TTLL5: variants seen among roughly 807,000 people sequenced by gnomAD.
TTLL5 encodes the protein tubulin tyrosine ligase like 5.
A neutral mutation model predicts 168.4 loss-of-function variants in TTLL5; 132 were observed. The observed-to-expected ratio is 0.78, with a 90% CI of 0.68 to 0.91. TTLL5 has a LOEUF of 0.91. Ranked by LOEUF, TTLL5 falls within the 40% of genes least tolerant of loss-of-function variation. The pLI is 0.00. For missense variants in TTLL5, 1,545 were observed against 1,581.5 expected (o/e 0.98, Z 0.39); for synonymous variants, 546 against 558.6 (o/e 0.98, Z 0.32).
At chr14:75,844,273 C>T (rs569939329) in intron 28 of TTLL5, among the ~76,000 whole-genome samples, 2 of 152,274 alleles carry the variant, frequency 1.3e-5, no homozygotes, top group African/African-American at 4.8e-5. Context: ...TATGTATGTT[C>T]AATTGCTCCA....
At chr14:75,843,434 T>C (rs1896360812) in intron 28 of TTLL5, among the ~76,000 whole-genome samples, 1 of 152,212 alleles carries the variant, frequency 6.6e-6, no homozygotes, top group African/African-American at 2.4e-5. Flanking sequence ...TAAATGAAGT[T>C]CCTGGTTCAG....
chr14:75,752,670 C>T (rs946578958), intron 17 of TTLL5, among the ~76,000 whole-genome samples: 1 of 151,936 alleles, frequency 6.6e-6, no homozygotes, highest in African/African-American at 2.4e-5. Flanking sequence ...TACATTAAAT[C>T]CTCTTTTTCC....
At position 75,930,610 on chromosome 14, in the gene TTLL5, A is replaced by G. The variant is rs545755604; in HGVS notation, c.3824-23814A>G. On this transcript the variant is annotated intron_variant, in intron 31 of 31. Coordinates refer to ENST00000298832, the MANE Select transcript of TTLL5 (RefSeq NM_015072.5). ...CTGACGTTTCTTGCAGAGAACAAGA[A>G]ATTCACGGAACAAGTGGATCAGAGG... The G allele has an allele frequency of 3.0e-6, 3 of 985,470 alleles. No individual in the cohort carries two copies. In the African/African-American group the frequency reaches 5.2e-5, roughly 17 times the overall value. 61.0% of individuals were successfully genotyped at this position (985,470 alleles called of 1,614,324 possible). A position where few individuals can be genotyped will look rare whatever the true frequency, so the allele number is the denominator to read the frequency against.
rs1887727426 is a variant in TTLL5, at chr14:75,719,819, T to TA, written c.928dup (p.Thr310AsnfsTer14). On this transcript the variant is annotated frameshift_variant, in exon 11 of 32. Transcript: ENST00000298832. LOFTEE classifies it high-confidence loss of function. ...GGTACCTGAAACAAGAAGGCAGAGA[T>TA]ACAACCGGTGAGTACTGGGCCTTTT... 1.2e-6 allele frequency: 2 copies of TA among 1,613,714 alleles called. No individual in the cohort carries two copies. The highest frequency in any genetic ancestry group is 2.7e-5 in the African/African-American group (2 of 74,918).
intron 28 of TTLL5, chr14:75,839,124 G>A (rs1213180291): frequency 6.5e-6 from 1 of 153,116 alleles, no homozygotes; most frequent in African/African-American, 2.4e-5. Flanking sequence ...GCATGCGGAT[G>A]GTGACACACT....
chr14:75,774,793 A>G (rs2140315744), intron 21 of TTLL5, among the ~76,000 whole-genome samples: 1 of 151,952 alleles, frequency 6.6e-6, no homozygotes, highest in South Asian at 2.1e-4. Flanking sequence ...GGTTCAAGTG[A>G]TTCTCATACC....
Position 75,733,127 on chromosome 14 carries a change from T to G in TTLL5, c.1124+708T>G, listed in dbSNP as rs187728968. Among the ~76,000 whole-genome samples, 857 of 152,370 alleles carry G rather than the reference T, an allele frequency of 5.6e-3. 13 individuals are homozygous for G. The highest frequency in any genetic ancestry group is 0.02 in the African/African-American group (814 of 41,588). On this transcript the variant is annotated intron_variant, in intron 13 of 31. Transcript: ENST00000298832. Reference sequence around the variant, plus strand: ...AGGAATCAAATAAAGACAGATTGACTACTTTTGGAGTGGGAGTTTGGCTTA... The same window carrying G: ...AGGAATCAAATAAAGACAGATTGACGACTTTTGGAGTGGGAGTTTGGCTTA...
intron 27 of TTLL5, among the ~76,000 whole-genome samples, chr14:75,809,758 A>G (rs1466492076): frequency 6.6e-6 from 1 of 151,920 alleles, no homozygotes; most frequent in Non-Finnish European, 1.5e-5. Context: ...CCATCATTCT[A>G]TTCTCTATCT....
chr14:75,793,336 T>C lies in TTLL5; in HGVS notation c.3171+236T>C, dbSNP rs569878491. 3.9e-5 allele frequency among the ~76,000 whole-genome samples: 6 copies of C among 152,296 alleles called. No individual in the cohort carries two copies. The South Asian group carries it at 8.3e-4, about 21-fold the overall frequency. Reference sequence around the variant, plus strand: ...CTGCTACTGGATATGATGTACCTATTTCATGGATAAACAGACTTGAATGTT... The same window carrying C: ...CTGCTACTGGATATGATGTACCTATCTCATGGATAAACAGACTTGAATGTT... On this transcript the variant is annotated intron_variant, in intron 27 of 31. Coordinates refer to ENST00000298832, the MANE Select transcript of TTLL5 (RefSeq NM_015072.5).
At chr14:75,768,276 A>G (rs1329918178) in intron 20 of TTLL5, among the ~76,000 whole-genome samples, 1 of 152,212 alleles carries the variant, frequency 6.6e-6, no homozygotes, top group Non-Finnish European at 1.5e-5. Flanking sequence ...AAGCTGCAGA[A>G]TGAGCATTTC....
intron 29 of TTLL5, among the ~76,000 whole-genome samples, chr14:75,870,263 CT>C (rs60865248): frequency 3.0e-4 from 42 of 140,766 alleles, no homozygotes; most frequent in South Asian, 6.8e-4. Context: ...TTACCTCAAT[CT>C]TTTTTTTTTT....
intron 31 of TTLL5, among the ~76,000 whole-genome samples, chr14:75,940,077 CTTTTTT>C (rs5809741): frequency 5.1e-5 from 4 of 78,834 alleles, no homozygotes; most frequent in African/African-American, 1.5e-4. Context: ...GAAATTAAAT[CTTTTTT>C]TTTTTTTTTT....
At chr14:75,890,065 G>A (rs1321771158) in intron 30 of TTLL5, among the ~76,000 whole-genome samples, 1 of 152,164 alleles carries the variant, frequency 6.6e-6, no homozygotes, top group African/African-American at 2.4e-5. Flanking sequence ...GGCTTCAATA[G>A]ATAAACTGGC....
At chr14:75,739,124 A>G (rs1889091405) in intron 15 of TTLL5, among the ~76,000 whole-genome samples, 1 of 151,858 alleles carries the variant, frequency 6.6e-6, no homozygotes, top group African/African-American at 2.4e-5. Context: ...ATGTAATTCT[A>G]ATCTTAATTT....
intron 31 of TTLL5, among the ~76,000 whole-genome samples, chr14:75,953,813 CA>C (rs1231304376): frequency 1.3e-5 from 2 of 151,716 alleles, no homozygotes; most frequent in African/African-American, 4.9e-5. Flanking sequence ...AAAAGATGGA[CA>C]TATTTAGCAT....
intron 31 of TTLL5, among the ~76,000 whole-genome samples, chr14:75,943,277 A>T (rs1163843485): frequency 6.6e-6 from 1 of 152,194 alleles, no homozygotes; most frequent in East Asian, 1.9e-4. Flanking sequence ...GACAATAGGC[A>T]AATCTTAAGG....
intron 5 of TTLL5, among the ~76,000 whole-genome samples, chr14:75,685,211 C>T (rs761305382): frequency 7.3e-5 from 11 of 151,406 alleles, no homozygotes; most frequent in African/African-American, 1.2e-4. Context: ...GGCAAAACCC[C>T]GGCTCTAAAA....
chr14:75,775,024 T>C (rs1341265490), intron 21 of TTLL5, among the ~76,000 whole-genome samples: 1 of 151,166 alleles, frequency 6.6e-6, no homozygotes, highest in Non-Finnish European at 1.5e-5. Flanking sequence ...CTGGTGTTTC[T>C]AACTTTTTTT....
At chr14:75,930,319 C>G (rs777231639) in intron 31 of TTLL5, among the ~76,000 whole-genome samples, 7 of 152,110 alleles carry the variant, frequency 4.6e-5, no homozygotes, top group Non-Finnish European at 7.4e-5. Flanking sequence ...TTGACAGATA[C>G]TAGCACAGGT....
Sources: gnomAD v4.1 joint callset for allele counts (sites outside exome capture counted in the v4.1 genomes callset) on GRCh38, gnomAD v4.1.1 for gene constraint, MANE v1.5 for transcripts, NCBI Gene and HGNC (gene_info 2026-07-23, HGNC 2026-07-21) for gene names.